Variants in ZNF804B observed in about 807,000 individuals in gnomAD.
The protein encoded by ZNF804B is zinc finger 804B.
In ZNF804B, 80 loss-of-function variants were observed where a neutral mutation model predicts 101.4. That is an observed-to-expected ratio of 0.79 (90% CI 0.66 to 0.95). ZNF804B has a LOEUF of 0.95. ZNF804B is among the 40% of genes least tolerant of loss of function. The pLI is 0.00. For missense variants in ZNF804B, 1,673 were observed against 1,561.9 expected (o/e 1.07, Z -1.20); for synonymous variants, 622 against 558.8 (o/e 1.11, Z -1.59).
At chr7:88,878,167 C>A (rs1489504957) in intron 1 of ZNF804B, among the ~76,000 whole-genome samples, 1 of 152,068 alleles carries the variant, frequency 6.6e-6, no homozygotes, top group African/African-American at 2.4e-5. Context: ...ACTTAAAATT[C>A]TTCCACTGGT....
intron 1 of ZNF804B, among the ~76,000 whole-genome samples, chr7:88,800,332 C>A (rs909966111): frequency 6.6e-6 from 1 of 152,094 alleles, no homozygotes; most frequent in Non-Finnish European, 1.5e-5. Context: ...TGACTCTCTT[C>A]ACCAATAGTA....
chr7:89,281,217 T>A (rs1222427418), intron 2 of ZNF804B, among the ~76,000 whole-genome samples: 2 of 152,168 alleles, frequency 1.3e-5, no homozygotes, highest in African/African-American at 4.8e-5. Context: ...ATTATCAAAG[T>A]TGGGTTTAAA....
intron 3 of ZNF804B, among the ~76,000 whole-genome samples, 180 bp downstream of exon 3, chr7:89,327,654 C>G (rs1790915689): frequency 6.6e-6 from 1 of 151,798 alleles, no homozygotes; most frequent in African/African-American, 2.4e-5. Context: ...TTTTTCTTTC[C>G]TAATATTGTT....
At chr7:89,190,386 T>A (rs1296746195) in intron 1 of ZNF804B, among the ~76,000 whole-genome samples, 1 of 148,966 alleles carries the variant, frequency 6.7e-6, no homozygotes, top group Non-Finnish European at 1.5e-5. Context: ...GGCCTGAAGA[T>A]ATGACTGAAT....
intron 1 of ZNF804B, among the ~76,000 whole-genome samples, chr7:88,971,819 T>C (rs1793541695): frequency 6.6e-6 from 1 of 151,578 alleles, no homozygotes. Flanking sequence ...TAGCAGAATG[T>C]GCATTCACTC....
intron 1 of ZNF804B, among the ~76,000 whole-genome samples, chr7:89,030,670 G>A (rs1021054212): frequency 2.0e-5 from 3 of 152,118 alleles, no homozygotes; most frequent in Middle Eastern, 3.4e-3. Flanking sequence ...CATTTCCCTT[G>A]TCTTTTTCCT....
At chr7:89,166,287 C>G (rs1791142307) in intron 1 of ZNF804B, among the ~76,000 whole-genome samples, 1 of 152,042 alleles carries the variant, frequency 6.6e-6, no homozygotes, top group Non-Finnish European at 1.5e-5. Context: ...GGCACCAAAC[C>G]CCTGCACAGT....
At chr7:89,309,216 T>C in intron 2 of ZNF804B, among the ~76,000 whole-genome samples, 1 of 152,126 alleles carries the variant, frequency 6.6e-6, no homozygotes, top group African/African-American at 2.4e-5. Context: ...GTTTAGCTCC[T>C]GCTTATAAGT....
chr7:88,817,392 A>G (rs553901384), intron 1 of ZNF804B, among the ~76,000 whole-genome samples: 1 of 152,240 alleles, frequency 6.6e-6, no homozygotes, highest in African/African-American at 2.4e-5. Context: ...AAAAAATTAA[A>G]AAAAAATTCC....
intron 2 of ZNF804B, among the ~76,000 whole-genome samples, chr7:89,314,339 A>G (rs1055627813): frequency 1.4e-4 from 21 of 152,126 alleles, no homozygotes; most frequent in African/African-American, 3.9e-4. Context: ...AGTATGCCCA[A>G]CATACTTCCT....
intron 1 of ZNF804B, among the ~76,000 whole-genome samples, chr7:89,216,287 G>C (rs1304186514): frequency 6.6e-6 from 1 of 152,206 alleles, no homozygotes; most frequent in East Asian, 1.9e-4. Context: ...CAGCCTGCAC[G>C]ACAGAGTGAA....
At chr7:89,031,976 T>C (rs12111726) in intron 1 of ZNF804B, among the ~76,000 whole-genome samples, 20,927 of 152,088 alleles carry the variant, frequency 0.14, 1,866 homozygotes, top group East Asian at 0.27. Flanking sequence ...GGTTTTTTTT[T>C]TTCTTGATAC....
intron 2 of ZNF804B, among the ~76,000 whole-genome samples, chr7:89,246,161 A>G (rs1270499497): frequency 6.6e-6 from 1 of 152,178 alleles, no homozygotes; most frequent in Non-Finnish European, 1.5e-5. Context: ...ACAGACCTCC[A>G]CAACTAGAAC....
intron 1 of ZNF804B, among the ~76,000 whole-genome samples, chr7:89,211,699 C>G (rs980521582): frequency 6.6e-6 from 1 of 152,046 alleles, no homozygotes; most frequent in African/African-American, 2.4e-5. Context: ...TTCCATGGGT[C>G]TATGTGCCTG....
intron 1 of ZNF804B, among the ~76,000 whole-genome samples, chr7:88,894,943 A>G (rs1792265287): frequency 6.6e-6 from 1 of 152,138 alleles, no homozygotes; most frequent in African/African-American, 2.4e-5. Context: ...TGCATTTTTA[A>G]AAACTTCTAG....
At chr7:89,315,029 A>C (rs1790703378) in intron 2 of ZNF804B, among the ~76,000 whole-genome samples, 1 of 152,202 alleles carries the variant, frequency 6.6e-6, no homozygotes, top group Non-Finnish European at 1.5e-5. Flanking sequence ...ATTGGCTTAC[A>C]GTTCTGCAGA....
intron 2 of ZNF804B, 108 bp from the exon 3 acceptor site, chr7:89,327,236 C>A: frequency 9.4e-7 from 1 of 1,062,428 alleles, no homozygotes; most frequent in Non-Finnish European, 1.3e-6. Flanking sequence ...TCTTTCTGCC[C>A]AGAAAGTCAC....
chr7:89,273,662 A>G (rs570078926), intron 2 of ZNF804B, among the ~76,000 whole-genome samples: 1 of 152,280 alleles, frequency 6.6e-6, no homozygotes, highest in South Asian at 2.1e-4. Flanking sequence ...AGCTTGTTTT[A>G]TAACTATCAC....
At chr7:89,288,710 G>A (rs372854183) in intron 2 of ZNF804B, among the ~76,000 whole-genome samples, 1 of 152,002 alleles carries the variant, frequency 6.6e-6, no homozygotes, top group Admixed American at 6.6e-5. Context: ...AAGACTGAAG[G>A]GATTTTCGGC....
Sources: allele counts gnomAD v4.1 joint callset (sites outside exome capture counted in the v4.1 genomes callset), GRCh38; gene constraint gnomAD v4.1.1; transcripts MANE v1.5; gene names NCBI Gene and HGNC (gene_info 2026-07-23, HGNC 2026-07-21).